The following INSIG2 variants were observed in gnomAD, a reference collection of about 807,000 sequenced individuals.
INSIG2 encodes the protein insulin-induced gene 2 protein.
In INSIG2, 10 loss-of-function variants were observed where a neutral mutation model predicts 27.2. That is an observed-to-expected ratio of 0.37 (90% CI 0.23 to 0.62). The LOEUF (loss-of-function observed/expected upper bound fraction) is 0.62. Ranked by LOEUF, INSIG2 falls within the 20% of genes least tolerant of loss-of-function variation. The pLI, the probability that INSIG2 is intolerant of heterozygous loss-of-function variation, is 0.65. For missense variants in INSIG2, 178 were observed against 270.2 expected (o/e 0.66, Z 2.39); for synonymous variants, 97 against 95.8 (o/e 1.01, Z -0.07).
At chr2:118,105,258 G>T (rs1678646048) in intron 3 of INSIG2, among the ~76,000 whole-genome samples, 1 of 151,620 alleles carries the variant, frequency 6.6e-6, no homozygotes, top group Non-Finnish European at 1.5e-5. Context: ...AGCCAGGATG[G>T]TCTCAATCTC....
intron 3 of INSIG2, among the ~76,000 whole-genome samples, chr2:118,104,715 A>G (rs1281341498): frequency 6.6e-6 from 1 of 152,332 alleles, no homozygotes; most frequent in Non-Finnish European, 1.5e-5. Flanking sequence ...CAGCCTGACT[A>G]AAGTCTAGAA....
At chr2:118,108,162 A>C (rs1678720948) in intron 5 of INSIG2, 119 bp from the exon 6 acceptor site, 1 of 611,006 alleles carries the variant, frequency 1.6e-6, no homozygotes, top group Non-Finnish European at 2.9e-6. Context: ...GGATTATTTG[A>C]GGAATAAATG....
chr2:118,089,428 A>C (rs1354972175), intron 1 of INSIG2, among the ~76,000 whole-genome samples: 1 of 152,140 alleles, frequency 6.6e-6, no homozygotes, highest in Non-Finnish European at 1.5e-5. Flanking sequence ...TGAGGACTGC[A>C]GGGGAATGCG....
rs151242514 is a variant in INSIG2, at chr2:118,107,160, A to G, written c.607A>G (p.Met203Val). The stretch of plus-strand genomic sequence containing the variant: ...TATATTTTTTGCTGGAGGCATAACA[A>G]TGGGAAACATTGGTCGACAACTGGC... The part of the protein sequence containing the change: ...PCIFFAGGIT[M>V]GNIGRQLAMY... The change falls in exon 5 of 6, where the codon ATG becomes GTG. Residue 203 changes from methionine to valine, a missense_variant. Transcript: ENST00000245787. 468 of 1,613,134 alleles carry G rather than the reference A, an allele frequency of 2.9e-4. No individual in the cohort carries two copies. Among genetic ancestry groups the G allele is most frequent in the Admixed American group, 1.2e-3 (71 of 59,994 alleles).
chr2:118,109,649 A>T lies in INSIG2; in HGVS notation c.*1327A>T, dbSNP rs1182449019. On this transcript the variant is annotated 3_prime_UTR_variant, in exon 6 of 6. Coordinates refer to ENST00000245787, the MANE Select transcript of INSIG2 (RefSeq NM_016133.4). Reference sequence around the variant, plus strand: ...AGTGAGTGAGAGAATGTGTCTGTGCATGTGGCCATGCTTTCCTAGAATGTC... The same window carrying T: ...AGTGAGTGAGAGAATGTGTCTGTGCTTGTGGCCATGCTTTCCTAGAATGTC... The T allele has an allele frequency of 6.6e-6, 1 of 152,138 alleles. No homozygotes were observed. Among genetic ancestry groups the T allele is most frequent in the Non-Finnish European group, 1.5e-5 (1 of 67,986 alleles). 9.4% of individuals were successfully genotyped at this position (152,138 alleles called of 1,614,324 possible).
chr2:118,093,240 GAT>G, intron 1 of INSIG2, among the ~76,000 whole-genome samples: 1 of 82,880 alleles, frequency 1.2e-5, no homozygotes, highest in Non-Finnish European at 2.3e-5. Flanking sequence ...TGATGATGAT[GAT>G]GATGATGGAG....
At chr2:118,096,854 T>C (rs1046693628) in intron 2 of INSIG2, 54 bp downstream of exon 2, 16 of 1,569,144 alleles carry the variant, frequency 1.0e-5, no homozygotes, top group South Asian at 5.8e-5. Context: ...TAAATGAGTA[T>C]GGACGTTGTC....
chr2:118,090,201 G>A (rs1411642038), intron 1 of INSIG2, among the ~76,000 whole-genome samples: 2 of 152,150 alleles, frequency 1.3e-5, no homozygotes, highest in African/African-American at 4.8e-5. Context: ...TTATTTAGTA[G>A]CTTACGTGAC....
intron 2 of INSIG2, among the ~76,000 whole-genome samples, chr2:118,098,669 C>T (rs567610666): frequency 1.3e-5 from 2 of 152,314 alleles, no homozygotes; most frequent in African/African-American, 4.8e-5. Context: ...AGTAACAGGG[C>T]TGCACCTGCT....
chr2:118,096,940 G>T, intron 2 of INSIG2, 140 bp downstream of exon 2: 8 of 922,388 alleles, frequency 8.7e-6, no homozygotes, highest in Non-Finnish European at 1.1e-5. Context: ...GGACCCGTTT[G>T]AATTGAACAA....
intron 1 of INSIG2, among the ~76,000 whole-genome samples, chr2:118,093,300 T>TGAG (rs1204152140): frequency 0.01 from 84 of 8,300 alleles, 7 homozygotes; most frequent in Non-Finnish European, 0.013. Context: ...ATGATGATGA[T>TGAG]GAGGAGGAGG....
intron 5 of INSIG2, among the ~76,000 whole-genome samples, chr2:118,107,985 A>G (rs1003921787): frequency 5.9e-5 from 9 of 152,186 alleles, no homozygotes; most frequent in Admixed American, 5.2e-4. Context: ...TCCTTTCGAC[A>G]TTAAAAGATT....
In INSIG2 at chr2:118,096,778, C is replaced by A; in HGVS notation, c.222C>A (p.Pro74=). ...ASIFSSAWWV[P]PCCGTASAVI... ...TCTTTTCTTCTGCATGGTGGGTACC[C>A]CCATGCTGTGGCACGGCTTCAGGTA... Residue 74 remains proline, a synonymous_variant, in exon 2 of 6, where the codon CCC becomes CCA. Coordinates refer to ENST00000245787, the MANE Select transcript of INSIG2 (RefSeq NM_016133.4). 6.2e-7 allele frequency: 1 copy of A among 1,613,386 alleles called. No individual in the cohort carries two copies. The highest frequency in any genetic ancestry group is 1.1e-5 in the South Asian group (1 of 91,046).
intron 2 of INSIG2, among the ~76,000 whole-genome samples, chr2:118,098,290 C>G (rs1181054235): frequency 6.6e-6 from 1 of 152,128 alleles, no homozygotes; most frequent in Non-Finnish European, 1.5e-5. Flanking sequence ...GGAAGGGAAA[C>G]TGTTGTTTAT....
In INSIG2 at chr2:118,101,813, T is replaced by TA. The variant is rs1183877625; in HGVS notation, c.245-1383dup. On this transcript the variant is annotated intron_variant, in intron 2 of 5. Transcript: ENST00000245787. ...TTATTGGAGCTCTGCATTGCCGAGA[T>TA]ATGTTCTTAATCTCTTGATGTTCTG... Among the ~76,000 whole-genome samples, 6 of 152,202 alleles carry TA rather than the reference T, an allele frequency of 3.9e-5. No individual in the cohort carries two copies. The East Asian group carries it at 1.2e-3, about 29-fold the overall frequency.
At chr2:118,092,003 T>A (rs1678243660) in intron 1 of INSIG2, among the ~76,000 whole-genome samples, 1 of 152,310 alleles carries the variant, frequency 6.6e-6, no homozygotes, top group East Asian at 1.9e-4. Flanking sequence ...TTGTCCTGCC[T>A]AAAATATCAG....
At chr2:118,092,221 C>T (rs1349382833) in intron 1 of INSIG2, among the ~76,000 whole-genome samples, 1 of 152,200 alleles carries the variant, frequency 6.6e-6, no homozygotes, top group Non-Finnish European at 1.5e-5. Flanking sequence ...CTTCTAGCAG[C>T]TGTTAGCAGC....
chr2:118,096,934 C>A, intron 2 of INSIG2, 134 bp downstream of exon 2: 1 of 978,866 alleles, frequency 1.0e-6, no homozygotes, highest in Non-Finnish European at 1.5e-6. Context: ...TACACTGGAC[C>A]CGTTTGAATT....
intron 1 of INSIG2, among the ~76,000 whole-genome samples, chr2:118,093,015 T>TGAGGAG (rs779340110): frequency 4.3e-5 from 4 of 92,068 alleles, no homozygotes; most frequent in African/African-American, 1.2e-4. Context: ...ATGATGATGA[T>TGAGGAG]GAGGAGGAGG....
Sources: allele counts gnomAD v4.1 joint callset (sites outside exome capture counted in the v4.1 genomes callset), GRCh38; gene constraint gnomAD v4.1.1; transcripts MANE v1.5; gene names NCBI Gene and HGNC (gene_info 2026-07-23, HGNC 2026-07-21).